The following PCNX2 variants were observed in gnomAD, a reference collection of about 807,000 sequenced individuals.
The protein encoded by PCNX2 is pecanex-like protein 2.
In PCNX2, 168 loss-of-function variants were observed where a neutral mutation model predicts 223.8. The ratio of observed to expected loss-of-function variants is 0.75; its 90% CI spans 0.66 to 0.85. PCNX2 has a LOEUF of 0.85. PCNX2 is among the 40% of genes least tolerant of loss of function. The pLI is 0.00. For missense variants in PCNX2, 2,507 were observed against 2,675.5 expected (o/e 0.94, Z 1.39); for synonymous variants, 1,006 against 1,052.6 (o/e 0.96, Z 0.86).
chr1:233,011,971 A>T (rs749286821), intron 28 of PCNX2, among the ~76,000 whole-genome samples: 14 of 152,182 alleles, frequency 9.2e-5, no homozygotes, highest in Non-Finnish European at 1.3e-4. Context: ...GGTGGCCCAG[A>T]CTTGTGGGCC....
At chr1:233,237,078 A>T in intron 8 of PCNX2, 98 bp from the exon 9 acceptor site, 1 of 1,478,804 alleles carries the variant, frequency 6.8e-7, no homozygotes, top group Non-Finnish European at 9.2e-7. Flanking sequence ...TGCCCAAAGC[A>T]GGTAGTGGAT....
At position 233,246,014 on chromosome 1, in the gene PCNX2, G is replaced by GA. The variant is rs200487879; in HGVS notation, c.2222+4724dup. 3.9e-5 allele frequency among the ~76,000 whole-genome samples: 6 copies of GA among 152,270 alleles called. No homozygotes were observed. The East Asian group carries it at 5.8e-4, about 15-fold the overall frequency. On this transcript the variant is annotated intron_variant, in intron 8 of 33. Transcript: ENST00000258229. ...AAATATGCATTTCTAGCTCCCTGTG[G>GA]AAAAAAACGGAAAATCCTATCACCT...
chr1:233,032,925 G>T (rs1251572578), intron 25 of PCNX2: 2 of 911,812 alleles, frequency 2.2e-6, no homozygotes, highest in Admixed American at 6.2e-5. Flanking sequence ...TATTAAAAAA[G>T]AATATGAAAA....
At chr1:233,232,796 T>C (rs1374494004) in intron 9 of PCNX2, 1 of 985,148 alleles carries the variant, frequency 1.0e-6, no homozygotes, top group Non-Finnish European at 1.2e-6. Flanking sequence ...GCACTGTGCT[T>C]ATCTTTGCAA....
intron 23 of PCNX2, among the ~76,000 whole-genome samples, chr1:233,076,229 A>C (rs1328387906): frequency 6.6e-6 from 1 of 152,202 alleles, no homozygotes; most frequent in Non-Finnish European, 1.5e-5. Flanking sequence ...TGTTTTATTT[A>C]GAGTTGTGAG....
chr1:233,229,254 T>C (rs557228275), intron 9 of PCNX2, among the ~76,000 whole-genome samples: 39 of 152,272 alleles, frequency 2.6e-4, no homozygotes, highest in African/African-American at 8.4e-4. Flanking sequence ...CAAATATTAA[T>C]GCAAAAGGCA....
At chr1:233,211,801 A>G (rs911053893) in intron 12 of PCNX2, 57 of 985,282 alleles carry the variant, frequency 5.8e-5, no homozygotes, top group Admixed American at 6.1e-5. Context: ...TAAACACAGA[A>G]TGTGAACATT....
intron 10 of PCNX2, among the ~76,000 whole-genome samples, chr1:233,219,195 G>A (rs1373460160): frequency 6.6e-6 from 1 of 152,138 alleles, no homozygotes; most frequent in African/African-American, 2.4e-5. Context: ...CTACAGGGCT[G>A]GATCATGTAG....
chr1:233,000,394 G>A lies in PCNX2; in HGVS notation c.5239C>T (p.Leu1747Phe), dbSNP rs1490162668. ...GAVLSNKEEL[L>F]TLRHVVDEGA... Reference sequence around the variant, plus strand: ...TCGTCCACCACGTGCCGCAGGGTGAGCAGCTCTTCCTTGTTGGACAGCACT... The same window carrying A: ...TCGTCCACCACGTGCCGCAGGGTGAACAGCTCTTCCTTGTTGGACAGCACT... Residue 1747 changes from leucine (L) to phenylalanine (F), a missense_variant, in exon 30 of 34, where the codon CTC becomes TTC. Transcript: ENST00000258229. The surrounding 1 kb of genome is among the most constrained non-coding windows in gnomAD (Gnocchi z 4.6). 1 of 1,612,386 alleles carries A rather than the reference G, an allele frequency of 6.2e-7. No homozygotes were observed. The highest frequency in any genetic ancestry group is 8.5e-7 in the Non-Finnish European group (1 of 1,178,848).
At chr1:233,160,173 T>C (rs1172534896) in intron 19 of PCNX2, 110 bp downstream of exon 19, 2 of 1,195,930 alleles carry the variant, frequency 1.7e-6, no homozygotes, top group Non-Finnish European at 2.3e-6. Context: ...CATTTTCAAG[T>C]GTACAGTTCT....
At chr1:233,291,337 T>C (rs1279142137) in intron 1 of PCNX2, among the ~76,000 whole-genome samples, 4 of 152,132 alleles carry the variant, frequency 2.6e-5, no homozygotes, top group Non-Finnish European at 5.9e-5. Context: ...GAGCCAGGCA[T>C]GGTGGCTCAC....
chr1:233,039,161 ATTTG>A (rs1403679108), intron 25 of PCNX2, among the ~76,000 whole-genome samples: 1 of 152,180 alleles, frequency 6.6e-6, no homozygotes, highest in Non-Finnish European at 1.5e-5. Flanking sequence ...ACCAACTTTT[ATTTG>A]TTTAACTTCA....
chr1:233,106,113 C>G (rs1338036440), intron 21 of PCNX2, among the ~76,000 whole-genome samples: 4 of 152,174 alleles, frequency 2.6e-5, no homozygotes, highest in African/African-American at 9.7e-5. Context: ...CTTTTGTTCT[C>G]TAAGTATCCT....
intron 25 of PCNX2, among the ~76,000 whole-genome samples, chr1:233,038,731 G>C (rs978864284): frequency 6.6e-6 from 1 of 152,214 alleles, no homozygotes; most frequent in East Asian, 1.9e-4. Flanking sequence ...TCCAAGATTA[G>C]TGGGAAAGCT....
At chr1:233,006,297 A>AG (rs2102804972) in intron 28 of PCNX2, among the ~76,000 whole-genome samples, 1 of 124,376 alleles carries the variant, frequency 8.0e-6, no homozygotes, top group East Asian at 2.2e-4. Flanking sequence ...CTCGGCACAG[A>AG]ATGAACCCAT....
chr1:233,296,787 G>A (rs908710277), upstream of PCNX2, among the ~76,000 whole-genome samples: 5 of 152,190 alleles, frequency 3.3e-5, no homozygotes, highest in Admixed American at 1.3e-4. Context: ...GTTCTGGTCT[G>A]CAGCAGCACT....
intron 23 of PCNX2, among the ~76,000 whole-genome samples, chr1:233,076,292 T>C (rs1349755596): frequency 1.3e-5 from 2 of 152,236 alleles, no homozygotes; most frequent in African/African-American, 4.8e-5. Context: ...AAGTTACCTG[T>C]GGTGTATACA....
At position 232,984,556 on chromosome 1, in the gene PCNX2, G is replaced by A. The variant is rs1669397972; in HGVS notation, c.6241-79C>T. On this transcript the variant is annotated intron_variant, in intron 33 of 33. Transcript: ENST00000258229. Reference sequence around the variant, plus strand: ...CTTCTAACTGGCATCACCCCCATCCGTGCTGTGGGAGCTAAAGGCTAGCGC... The same window carrying A: ...CTTCTAACTGGCATCACCCCCATCCATGCTGTGGGAGCTAAAGGCTAGCGC... 1.2e-5 allele frequency: 18 copies of A among 1,472,900 alleles called. 1 individual carries two copies. In the South Asian group the frequency reaches 1.5e-4, roughly 13 times the overall value. 91.2% of individuals were successfully genotyped at this position (1,472,900 alleles called of 1,614,324 possible). A position where few individuals can be genotyped will look rare whatever the true frequency, so the allele number is the denominator to read the frequency against.
At chr1:233,078,700 T>C (rs1362039799) in intron 23 of PCNX2, among the ~76,000 whole-genome samples, 3 of 152,220 alleles carry the variant, frequency 2.0e-5, no homozygotes, top group Non-Finnish European at 4.4e-5. Context: ...TGCAGTCGCA[T>C]GGTCGGCTAC....
Sources: gnomAD v4.1 joint callset for allele counts (sites outside exome capture counted in the v4.1 genomes callset) on GRCh38, gnomAD v4.1.1 for gene constraint, Gnocchi (gnomAD v3.1) non-coding constraint, MANE v1.5 for transcripts, NCBI Gene and HGNC (gene_info 2026-07-23, HGNC 2026-07-21) for gene names.